The following BACH2 variants were observed in gnomAD, a reference collection of about 807,000 sequenced individuals.
BACH2 encodes transcription regulator protein BACH2.
Under a neutral mutation model 61.8 loss-of-function variants are expected in BACH2, and 5 were observed. The ratio of observed to expected loss-of-function variants is 0.08; its 90% CI spans 0.04 to 0.17. The LOEUF (loss-of-function observed/expected upper bound fraction) is 0.17, where lower values mean the gene tolerates loss of function less well. Ranked by LOEUF, BACH2 falls within the 10% of genes least tolerant of loss-of-function variation. The pLI, the probability that BACH2 is intolerant of heterozygous loss-of-function variation, is 1.00. For synonymous variants in BACH2, 446 were observed against 440.1 expected, an observed-to-expected ratio of 1.01 and a Z score of -0.17; for missense variants, 824 against 1,091.1, an observed-to-expected ratio of 0.76 and a Z score of 3.45.
Position 89,968,723 on chromosome 6 carries a change from G to A in BACH2, c.244-16861C>T, listed in dbSNP as rs1401930164. 8.5e-5 allele frequency among the ~76,000 whole-genome samples: 13 copies of A among 152,322 alleles called. No individual in the cohort carries two copies. The South Asian group carries it at 2.5e-3, about 29-fold the overall frequency. On this transcript the variant is annotated intron_variant, in intron 6 of 8. Transcript: ENST00000257749. ...GCAAAAAATGTAGTTTTAAAAATCT[G>A]TCTTGGGCTGGGCACAGTGGTTCAC...
chr6:89,961,852 C>T (rs1057121873), intron 6 of BACH2, among the ~76,000 whole-genome samples: 3 of 152,168 alleles, frequency 2.0e-5, no homozygotes, highest in Non-Finnish European at 2.9e-5. Context: ...TGTCTATATC[C>T]TATTTTCTAG....
chr6:89,926,766 AACC>A lies in BACH2; in HGVS notation c.*5639_*5641del, dbSNP rs1004484505. 2 of 152,682 alleles carry A rather than the reference AACC, an allele frequency of 1.3e-5. No homozygotes were observed. The highest frequency in any genetic ancestry group is 1.9e-4 in the East Asian group (1 of 5,340). The allele number at this position is 152,682 out of a possible 1,614,324, so 9.5% of individuals were successfully genotyped here. A position where few individuals can be genotyped will look rare whatever the true frequency, so the allele number is the denominator to read the frequency against. On this transcript the variant is annotated 3_prime_UTR_variant, in exon 9 of 9. Coordinates refer to ENST00000257749, the MANE Select transcript of BACH2 (RefSeq NM_021813.4). ...ACAGCCTTTCATTTTTTACAATAAA[AACC>A]ACGAGAAAAACCACAATCACTTAGA...
intron 2 of BACH2, among the ~76,000 whole-genome samples, chr6:90,258,283 G>T (rs1771048837): frequency 1.3e-5 from 2 of 152,056 alleles, no homozygotes; most frequent in African/African-American, 4.8e-5. Flanking sequence ...TTTTGCATGT[G>T]GAAATCCAGT....
At chr6:89,955,682 G>A (rs1774388685) in intron 6 of BACH2, among the ~76,000 whole-genome samples, 2 of 152,134 alleles carry the variant, frequency 1.3e-5, no homozygotes, top group African/African-American at 2.4e-5. Context: ...CTAAATACTG[G>A]CTTAGCCTCC....
intron 4 of BACH2, among the ~76,000 whole-genome samples, chr6:90,173,797 C>T (rs573334062): frequency 1.3e-5 from 2 of 152,126 alleles, no homozygotes; most frequent in Non-Finnish European, 2.9e-5. Flanking sequence ...AAACTGTACA[C>T]TTAAAATATG....
chr6:90,064,021 T>C (rs1272200184), intron 5 of BACH2, among the ~76,000 whole-genome samples: 1 of 152,176 alleles, frequency 6.6e-6, no homozygotes, highest in East Asian at 1.9e-4. Flanking sequence ...GCTATGCAAA[T>C]ATCAGTTATT....
intron 2 of BACH2, among the ~76,000 whole-genome samples, chr6:90,264,157 C>T (rs1344107850): frequency 6.6e-6 from 1 of 152,196 alleles, no homozygotes; most frequent in Non-Finnish European, 1.5e-5. Flanking sequence ...AGTTCAATTA[C>T]AGCTTTGTTC....
rs373437222 is a variant in BACH2 at position 89,932,531 on chromosome 6, C to T, written c.2403G>A (p.Pro801=). 3.1e-5 allele frequency: 50 copies of T among 1,613,854 alleles called. No individual in the cohort carries two copies. The highest frequency in any genetic ancestry group is 1.6e-4 in the African/African-American group (12 of 74,840). The change falls in exon 9 of 9, where the codon CCG becomes CCA. Residue 801 remains proline, a synonymous_variant. Coordinates refer to ENST00000257749, the MANE Select transcript of BACH2 (RefSeq NM_021813.4). ...GAGGTCCTCTCTCTGAGAAGGTTCC[C>T]GGGTCAGTGCCTTCTAGTCTCCTCC... ...TSGRRLEGTD[P]GTFSERGPPL...
At position 90,008,312 on chromosome 6, in the gene BACH2, A is replaced by G; in HGVS notation, c.243+290T>C. On this transcript the variant is annotated intron_variant, in intron 6 of 8. Transcript: ENST00000257749. This position sits in a 1 kb window ranked among gnomAD's most constrained non-coding sequence, Gnocchi z 4.1. ...CAGATCCCACATCTAGGACTGTGCC[A>G]AACTTAGGCTGAACCACTCAAAACC... 1 of 472,682 alleles carries G rather than the reference A, an allele frequency of 2.1e-6. No individual in the cohort carries two copies. Among genetic ancestry groups the G allele is most frequent in the Non-Finnish European group, 3.9e-6 (1 of 258,008 alleles). The allele number at this position is 472,682 out of a possible 1,614,324, so 29.3% of individuals were successfully genotyped here.
At chr6:89,995,726 C>G (rs905052639) in intron 6 of BACH2, among the ~76,000 whole-genome samples, 2 of 152,178 alleles carry the variant, frequency 1.3e-5, no homozygotes, top group Admixed American at 6.5e-5. Context: ...AGATTACAAA[C>G]AGCTTTGAGA....
In BACH2 at chr6:90,271,940, C is replaced by T. The variant is rs372066480; in HGVS notation, c.-444G>A. 1 of 152,294 alleles carries T rather than the reference C, an allele frequency of 6.6e-6. No individual in the cohort carries two copies. Among genetic ancestry groups the T allele is most frequent in the Admixed American group, 6.5e-5 (1 of 15,286 alleles). 9.4% of individuals were successfully genotyped at this position (152,294 alleles called of 1,614,324 possible). On this transcript the variant is annotated splice_region_variant and 5_prime_UTR_variant, in exon 2 of 9. Coordinates refer to ENST00000257749, the MANE Select transcript of BACH2 (RefSeq NM_021813.4). ...AAACTGGGAGCTATGTGAACGAACG[C>T]GCTGAAAGACAAAACACGTTAGATC... is the stretch of plus-strand genomic sequence containing the variant.
intron 5 of BACH2, among the ~76,000 whole-genome samples, chr6:90,049,641 CA>C (rs1779944271): frequency 6.6e-6 from 1 of 152,166 alleles, no homozygotes; most frequent in South Asian, 2.1e-4. Context: ...GCAGTGGCAC[CA>C]AACTATCAGT....
Position 89,930,248 on chromosome 6 carries a change from TTTTTTTA to T in BACH2, c.*2153_*2159del. 6.8e-6 allele frequency: 1 copy of T among 147,222 alleles called. No homozygotes were observed. Among genetic ancestry groups the T allele is most frequent in the South Asian group, 2.2e-4 (1 of 4,642 alleles). 9.1% of individuals were successfully genotyped at this position (147,222 alleles called of 1,614,324 possible). On this transcript the variant is annotated 3_prime_UTR_variant, in exon 9 of 9. Coordinates refer to ENST00000257749, the MANE Select transcript of BACH2 (RefSeq NM_021813.4). Reference sequence around the variant, plus strand: ...AAAGCCTTTTTTTTTTTTTTTTTTTTTTTTTTATCCTACTGCATGAACTGACAAATTT... The same window carrying T: ...AAAGCCTTTTTTTTTTTTTTTTTTTTTCCTACTGCATGAACTGACAAATTT...
chr6:89,986,021 T>C (rs1310426548), intron 6 of BACH2, among the ~76,000 whole-genome samples: 1 of 152,202 alleles, frequency 6.6e-6, no homozygotes, highest in Non-Finnish European at 1.5e-5. Flanking sequence ...TAGCCGGACT[T>C]GTAAGGCTTT....
rs148434668 is a variant in BACH2, at chr6:90,253,674, A to C, written c.-352-1084T>G. Among the ~76,000 whole-genome samples the C allele has an allele frequency of 7.4e-3, 1,131 of 152,322 alleles. 13 individuals are homozygous for C. Among genetic ancestry groups the C allele is most frequent in the African/African-American group, 0.026 (1,062 of 41,582 alleles). On this transcript the variant is annotated intron_variant, in intron 2 of 8. Transcript: ENST00000257749. Reference sequence around the variant, plus strand: ...TTTTCTCCAACCAAGCTAGTGAATGAAAGGGTAACTCAAGATGAAATAATG... The same window carrying C: ...TTTTCTCCAACCAAGCTAGTGAATGCAAGGGTAACTCAAGATGAAATAATG...
chr6:90,066,423 A>G, intron 5 of BACH2, among the ~76,000 whole-genome samples: 1 of 152,146 alleles, frequency 6.6e-6, no homozygotes, highest in East Asian at 1.9e-4. Flanking sequence ...GCTATATGTT[A>G]CTGGAATATG....
chr6:90,172,749 G>T (rs1582447903), intron 4 of BACH2, among the ~76,000 whole-genome samples: 1 of 152,216 alleles, frequency 6.6e-6, no homozygotes, highest in Non-Finnish European at 1.5e-5. Flanking sequence ...TACTTCTAAA[G>T]GACATGCTTC....
chr6:90,063,192 G>A (rs1225011894), intron 5 of BACH2, among the ~76,000 whole-genome samples: 1 of 152,154 alleles, frequency 6.6e-6, no homozygotes, highest in Non-Finnish European at 1.5e-5. Flanking sequence ...TTCAGATGAG[G>A]TAATTAATTA....
chr6:90,029,589 C>A (rs534748734), intron 5 of BACH2, among the ~76,000 whole-genome samples: 1 of 152,264 alleles, frequency 6.6e-6, no homozygotes, highest in African/African-American at 2.4e-5. Context: ...CTATTGAGGG[C>A]AGGAATTTTT....
Sources: allele counts gnomAD v4.1 joint callset (sites outside exome capture counted in the v4.1 genomes callset), GRCh38; gene constraint gnomAD v4.1.1; non-coding constraint Gnocchi (gnomAD v3.1); transcripts MANE v1.5; gene names NCBI Gene and HGNC (gene_info 2026-07-23, HGNC 2026-07-21).